The following JAK1 variants were observed in gnomAD, a reference collection of about 807,000 sequenced individuals.
JAK1 encodes the protein tyrosine-protein kinase JAK1.
In JAK1, 16 loss-of-function variants were observed where a neutral mutation model predicts 136.6. The ratio of observed to expected loss-of-function variants is 0.12; its 90% CI spans 0.08 to 0.18. JAK1 has a LOEUF of 0.18. Among genes scored for constraint, JAK1 ranks in the 10% least tolerant of loss-of-function variants. JAK1 has a pLI of 1.00. For synonymous variants in JAK1, 492 were observed against 519.5 expected (o/e 0.95, Z 0.72); for missense variants, 859 against 1,450.1 (o/e 0.59, Z 6.62).
At chr1:64,902,954 C>G (rs144091180) in intron 1 of JAK1, among the ~76,000 whole-genome samples, 2 of 152,126 alleles carry the variant, frequency 1.3e-5, no homozygotes, top group Non-Finnish European at 2.9e-5. Context: ...CCCTGGAGAC[C>G]ACTGTAAGGT....
intron 1 of JAK1, among the ~76,000 whole-genome samples, chr1:64,908,064 G>A (rs1462976114): frequency 6.6e-6 from 1 of 152,120 alleles, no homozygotes; most frequent in African/African-American, 2.4e-5. Flanking sequence ...AAGTGACAAA[G>A]TAGACTACTG....
chr1:64,977,538 C>G (rs553004089), intron 2 of JAK1, among the ~76,000 whole-genome samples: 94 of 151,048 alleles, frequency 6.2e-4, no homozygotes, highest in Non-Finnish European at 1.2e-3. Context: ...TCCTGCCATT[C>G]TCCTGCCTCA....
chr1:65,059,146 A>G (rs1456229356), intron 1 of JAK1, among the ~76,000 whole-genome samples: 10 of 14,502 alleles, frequency 6.9e-4, no homozygotes, highest in Non-Finnish European at 2.0e-3. Flanking sequence ...TATAGGCAGA[A>G]AAAAAAAAAA....
chr1:64,866,785 C>A, intron 7 of JAK1, 81 bp downstream of exon 7: 1 of 1,012,396 alleles, frequency 9.9e-7, no homozygotes, highest in South Asian at 1.5e-5. Flanking sequence ...GACATGCAGA[C>A]AGATGACTCC....
upstream of JAK1, among the ~76,000 whole-genome samples, chr1:64,966,733 C>A (rs992759984): frequency 6.0e-5 from 9 of 149,622 alleles, no homozygotes; most frequent in African/African-American, 2.2e-4. Context: ...CGCGAAGCTG[C>A]CCCCACTCGT....
At chr1:65,008,933 G>A (rs776356300) in intron 2 of JAK1, among the ~76,000 whole-genome samples, 1 of 152,118 alleles carries the variant, frequency 6.6e-6, no homozygotes, top group Non-Finnish European at 1.5e-5. Context: ...AAGCAAACCT[G>A]TCTTGGCCTC....
chr1:65,031,847 C>T (rs1415050967), intron 2 of JAK1, among the ~76,000 whole-genome samples: 1 of 151,866 alleles, frequency 6.6e-6, no homozygotes, highest in Non-Finnish European at 1.5e-5. Context: ...GGGTTAAGGG[C>T]ACACAGAATT....
At chr1:65,041,767 G>A (rs557378724) in intron 2 of JAK1, among the ~76,000 whole-genome samples, 29 of 152,278 alleles carry the variant, frequency 1.9e-4, no homozygotes, top group African/African-American at 5.8e-4. Flanking sequence ...GGCTGGGCAC[G>A]GTGGCTCACG....
At position 65,057,602 on chromosome 1, in the gene JAK1, T is replaced by C. The variant is rs569422410; in HGVS notation, c.-181+10002A>G. ...GACTCGGGAGGTTGAGGTGGGAGGA[T>C]TGCTTGAGCCTGGGAGATCAAGGTT... On this transcript the variant is annotated intron_variant, in intron 1 of 25. Coordinates refer to the JAK1 transcript ENST00000671954. Among the ~76,000 whole-genome samples the C allele has an allele frequency of 2.9e-3, 447 of 152,192 alleles. 11 individuals are homozygous for C. Among genetic ancestry groups the C allele is most frequent in the East Asian group, 7.8e-4 (4 of 5,156 alleles).
chr1:64,896,980 A>G (rs1489355319), intron 1 of JAK1, among the ~76,000 whole-genome samples: 1 of 152,188 alleles, frequency 6.6e-6, no homozygotes, highest in East Asian at 1.9e-4. Flanking sequence ...AAACTCTTGG[A>G]AAAATATATA....
At chr1:64,913,211 G>A (rs1422373653) in intron 1 of JAK1, among the ~76,000 whole-genome samples, 1 of 152,118 alleles carries the variant, frequency 6.6e-6, no homozygotes, top group Non-Finnish European at 1.5e-5. Context: ...TTTTTGTAGA[G>A]ACAGGGTCTC....
intron 21 of JAK1, 133 bp from the exon 22 acceptor site, chr1:64,838,237 A>T (rs1654617173): frequency 1.0e-6 from 1 of 985,188 alleles, no homozygotes; most frequent in Non-Finnish European, 1.5e-6. Flanking sequence ...TCTGACTTTT[A>T]TGCAAGAATA....
chr1:65,003,381 C>T (rs957679673), intron 2 of JAK1: 3 of 151,954 alleles, frequency 2.0e-5, no homozygotes, highest in Non-Finnish European at 2.9e-5. Context: ...CATTTTCAGA[C>T]GGTAAAAGTG....
chr1:64,860,300 T>C (rs1656208944), intron 8 of JAK1, 38 bp from the exon 9 acceptor site: 1 of 1,555,168 alleles, frequency 6.4e-7, no homozygotes, highest in Non-Finnish European at 8.7e-7. Context: ...TTACATCATG[T>C]CTCTATCAGC....
At chr1:64,992,512 A>C (rs1046103781) in intron 2 of JAK1, 2 of 152,152 alleles carry the variant, frequency 1.3e-5, no homozygotes, top group African/African-American at 4.8e-5. Context: ...ACCTCCCTAA[A>C]TGGTTCAAGA....
chr1:64,995,475 T>C (rs1646696071), intron 2 of JAK1, among the ~76,000 whole-genome samples: 1 of 152,220 alleles, frequency 6.6e-6, no homozygotes, highest in African/African-American at 2.4e-5. Context: ...AATAAGCCTG[T>C]AGGTATTTCA....
intron 2 of JAK1, among the ~76,000 whole-genome samples, chr1:65,026,099 GA>G (rs1224641877): frequency 1.5e-4 from 23 of 152,296 alleles, no homozygotes; most frequent in Middle Eastern, 3.4e-3. Context: ...TATTCACTCT[GA>G]AATCCTGGGT....
chr1:65,024,971 C>G (rs1646966756), intron 2 of JAK1, among the ~76,000 whole-genome samples: 1 of 152,022 alleles, frequency 6.6e-6, no homozygotes, highest in South Asian at 2.1e-4. Context: ...GAGCGAAACT[C>G]TGTCTCAAAA....
At chr1:65,046,316 T>C (rs1647182622) in intron 1 of JAK1, among the ~76,000 whole-genome samples, 1 of 152,144 alleles carries the variant, frequency 6.6e-6, no homozygotes, top group African/African-American at 2.4e-5. Flanking sequence ...ATGAGGCCCT[T>C]AAGTCAGACA....
Sources: allele counts gnomAD v4.1 joint callset (sites outside exome capture counted in the v4.1 genomes callset), GRCh38; gene constraint gnomAD v4.1.1; transcripts MANE v1.5; gene names NCBI Gene and HGNC (gene_info 2026-07-23, HGNC 2026-07-21).